The following NAALADL2 variants were observed in gnomAD, a reference collection of about 807,000 sequenced individuals.
NAALADL2 encodes N-acetylated alpha-linked acidic dipeptidase like 2, also known as inactive N-acetylated-alpha-linked acidic dipeptidase-like protein 2.
In NAALADL2, 76 loss-of-function variants were observed where a neutral mutation model predicts 87.2. The observed-to-expected ratio is 0.87, with a 90% confidence interval of 0.72 to 1.05. NAALADL2 has a LOEUF of 1.05. NAALADL2 is among the 50% of genes least tolerant of loss of function. The probability of loss-of-function intolerance (pLI) is 0.00; values close to 1 mark genes in which losing one functional copy is unlikely to be tolerated. For missense variants in NAALADL2, 1,089 were observed against 945.8 expected, an observed-to-expected ratio of 1.15 and a Z score of -1.99; for synonymous variants, 354 against 331.0, an observed-to-expected ratio of 1.07 and a Z score of -0.75.
intron 1 of NAALADL2, among the ~76,000 whole-genome samples, chr3:174,967,634 T>G (rs1235961454): frequency 2.6e-5 from 4 of 152,188 alleles, no homozygotes; most frequent in Non-Finnish European, 5.9e-5. Flanking sequence ...AAACCAAGGT[T>G]ACTTTCCTTA....
At chr3:174,791,132 T>G (rs1055852904) in intron 3 of NAALADL2, among the ~76,000 whole-genome samples, 1 of 152,164 alleles carries the variant, frequency 6.6e-6, no homozygotes, top group Non-Finnish European at 1.5e-5. Context: ...TAATGTAGAC[T>G]TATGTAGTAT....
chr3:174,757,852 T>A (rs1315734666), intron 3 of NAALADL2, among the ~76,000 whole-genome samples: 1 of 152,056 alleles, frequency 6.6e-6, no homozygotes, highest in Non-Finnish European at 1.5e-5. Context: ...ACAGCAAAAA[T>A]CTTAGGACTT....
chr3:174,967,749 CTG>C (rs1348783614), intron 1 of NAALADL2, among the ~76,000 whole-genome samples: 77 of 152,320 alleles, frequency 5.1e-4, no homozygotes, highest in South Asian at 6.2e-4. Flanking sequence ...AATCAGATAA[CTG>C]TGAACACATC....
At chr3:175,177,644 G>A (rs1335885759) in intron 2 of NAALADL2, among the ~76,000 whole-genome samples, 2 of 152,024 alleles carry the variant, frequency 1.3e-5, no homozygotes, top group African/African-American at 4.8e-5. Flanking sequence ...AGCATCTATC[G>A]TATAACATAC....
intron 11 of NAALADL2, among the ~76,000 whole-genome samples, chr3:175,665,307 T>C (rs1379112791): frequency 6.6e-6 from 1 of 152,246 alleles, no homozygotes; most frequent in Admixed American, 6.5e-5. Context: ...ATGAGTATCT[T>C]TTAAAATATA....
At chr3:174,698,974 T>TAC (rs1729293512) in intron 2 of NAALADL2, among the ~76,000 whole-genome samples, 2 of 148,244 alleles carry the variant, frequency 1.3e-5, no homozygotes, top group African/African-American at 5.2e-5. Context: ...CGTGTATATA[T>TAC]ATATACATTT....
chr3:175,787,428 A>C (rs1752183058), intron 13 of NAALADL2, among the ~76,000 whole-genome samples: 1 of 152,120 alleles, frequency 6.6e-6, no homozygotes, highest in African/African-American at 2.4e-5. Flanking sequence ...GCCGTTTTTT[A>C]AGCCGGTCCG....
intron 1 of NAALADL2, among the ~76,000 whole-genome samples, chr3:174,916,565 C>A (rs1050523516): frequency 6.6e-6 from 1 of 151,996 alleles, no homozygotes; most frequent in Non-Finnish European, 1.5e-5. Context: ...TCTTTTTCAG[C>A]AACTTGGATG....
chr3:175,332,745 C>T (rs191600731), intron 5 of NAALADL2, among the ~76,000 whole-genome samples: 88 of 152,230 alleles, frequency 5.8e-4, no homozygotes, highest in Admixed American at 1.2e-3. Flanking sequence ...TCTGTTAGGT[C>T]GGCTTGTTGC....
At position 175,599,055 on chromosome 3, in the gene NAALADL2, A is replaced by T. The variant is rs563290864; in HGVS notation, c.1800+22868A>T. ...AGCGCCTTGGAAGAACATCTTTGTTATACTCTTCATGGTGTGGCCTCAGTG... is the reference window on the plus strand; with the variant it reads ...AGCGCCTTGGAAGAACATCTTTGTTTTACTCTTCATGGTGTGGCCTCAGTG... On this transcript the variant is annotated intron_variant, in intron 10 of 13. Transcript: ENST00000454872. Among the ~76,000 whole-genome samples the T allele has an allele frequency of 2.0e-5, 3 of 152,262 alleles. No individual in the cohort carries two copies. In the South Asian group the frequency reaches 6.2e-4, roughly 32 times the overall value.
At chr3:174,700,054 G>T (rs1468570351) in intron 2 of NAALADL2, among the ~76,000 whole-genome samples, 1 of 151,206 alleles carries the variant, frequency 6.6e-6, no homozygotes, top group Non-Finnish European at 1.5e-5. Context: ...TTACTTACTT[G>T]TTGGTTTATT....
chr3:175,349,952 A>G (rs1763577708), intron 5 of NAALADL2, among the ~76,000 whole-genome samples: 1 of 150,646 alleles, frequency 6.6e-6, no homozygotes, highest in Non-Finnish European at 1.5e-5. Flanking sequence ...CATGACTGTC[A>G]TTAATCCCAT....
chr3:175,440,666 C>T (rs111477937), intron 5 of NAALADL2, among the ~76,000 whole-genome samples: 1 of 152,044 alleles, frequency 6.6e-6, no homozygotes, highest in Non-Finnish European at 1.5e-5. Flanking sequence ...GGGTTGAGTT[C>T]TTGATTCGAT....
chr3:175,269,104 A>G (rs561070502), intron 4 of NAALADL2, among the ~76,000 whole-genome samples: 45 of 149,054 alleles, frequency 3.0e-4, no homozygotes, highest in African/African-American at 1.0e-3. Flanking sequence ...ATGCCTGACT[A>G]ATATTTGTAT....
At position 175,568,547 on chromosome 3, in the gene NAALADL2, T is replaced by C. The variant is rs148813811; in HGVS notation, c.1654-7494T>C. Among the ~76,000 whole-genome samples the C allele has an allele frequency of 4.0e-4, 61 of 152,328 alleles. No individual in the cohort carries two copies. In the East Asian group the frequency reaches 0.012, roughly 29 times the overall value. On this transcript the variant is annotated intron_variant, in intron 9 of 13. Coordinates refer to ENST00000454872, the MANE Select transcript of NAALADL2 (RefSeq NM_207015.3). ...ATAAAAAGGAGCATTGCATTTGAAG[T>C]GAAAAGTTCTGGGATTAAATCTCAA...
chr3:174,627,200 T>C (rs1381278926), intron 2 of NAALADL2, among the ~76,000 whole-genome samples: 1 of 152,090 alleles, frequency 6.6e-6, no homozygotes, highest in African/African-American at 2.4e-5. Context: ...TTCAAGAAAG[T>C]CTGAAAAAAG....
Position 175,485,693 on chromosome 3 carries a change from C to G in NAALADL2, c.1653+13935C>G, listed in dbSNP as rs556767282. Among the ~76,000 whole-genome samples the G allele has an allele frequency of 1.4e-4, 21 of 152,244 alleles. No homozygotes were observed. The East Asian group carries it at 4.1e-3, about 29-fold the overall frequency. On this transcript the variant is annotated intron_variant, in intron 9 of 13. Coordinates refer to ENST00000454872, the MANE Select transcript of NAALADL2 (RefSeq NM_207015.3). ...ACCTTCATCTTCCTGCTTTTTCTAG[C>G]TACGCTGACAGCCACTGGATGGTGC... is the stretch of plus-strand genomic sequence containing the variant.
At chr3:174,724,007 T>A (rs930196888) in intron 2 of NAALADL2, among the ~76,000 whole-genome samples, 9 of 152,118 alleles carry the variant, frequency 5.9e-5, no homozygotes, top group African/African-American at 2.2e-4. Context: ...TTAGAAGAAA[T>A]TCCCTTAAAA....
intron 1 of NAALADL2, among the ~76,000 whole-genome samples, chr3:174,920,717 C>T (rs912919819): frequency 6.6e-6 from 1 of 152,164 alleles, no homozygotes; most frequent in Non-Finnish European, 1.5e-5. Flanking sequence ...CTAACTGGTG[C>T]AAGAGGCCTG....
Sources: gnomAD v4.1 joint callset for allele counts (sites outside exome capture counted in the v4.1 genomes callset) on GRCh38, gnomAD v4.1.1 for gene constraint, MANE v1.5 for transcripts, NCBI Gene and HGNC (gene_info 2026-07-23, HGNC 2026-07-21) for gene names.